ANO2: variants seen among roughly 807,000 people sequenced by gnomAD.
The protein encoded by ANO2 is anoctamin-2.
ANO2 carries 101 observed loss-of-function variants against 124.2 expected under a neutral mutation model. The ratio of observed to expected loss-of-function variants is 0.81; its 90% confidence interval spans 0.69 to 0.96. ANO2 has a LOEUF of 0.96. ANO2 is among the 40% of genes least tolerant of loss of function. The pLI is 0.00. For missense variants in ANO2, 1,293 were observed against 1,274.5 expected (o/e 1.01, Z -0.22); for synonymous variants, 486 against 482.5 (o/e 1.01, Z -0.09).
intron 23 of ANO2, among the ~76,000 whole-genome samples, chr12:5,570,324 T>A (rs903129779): frequency 6.6e-6 from 1 of 152,178 alleles, no homozygotes; most frequent in Non-Finnish European, 1.5e-5. Context: ...AGTATCACCC[T>A]ATTACTGTTG....
At chr12:5,564,956 C>T (rs1250537526) in intron 24 of ANO2, among the ~76,000 whole-genome samples, 1 of 152,142 alleles carries the variant, frequency 6.6e-6, no homozygotes, top group African/African-American at 2.4e-5. Flanking sequence ...AGACCGGGGG[C>T]ACCCAGAGTG....
chr12:5,661,463 C>T (rs1947437317), intron 14 of ANO2, among the ~76,000 whole-genome samples: 1 of 152,182 alleles, frequency 6.6e-6, no homozygotes, highest in Admixed American at 6.5e-5. Context: ...CAACTCCCTT[C>T]TGTGCCTTGA....
chr12:5,650,287 T>C (rs1338619242), intron 14 of ANO2, among the ~76,000 whole-genome samples: 1 of 152,220 alleles, frequency 6.6e-6, no homozygotes, highest in Admixed American at 6.5e-5. Flanking sequence ...TGCATAAAAA[T>C]GAGACATAAC....
chr12:5,609,232 G>C (rs76507477), intron 19 of ANO2: 1 of 152,102 alleles, frequency 6.6e-6, no homozygotes, highest in Non-Finnish European at 1.5e-5. Flanking sequence ...GGGAACGGGG[G>C]GCACAGCTTC....
At chr12:5,714,104 T>C (rs1156429392) in intron 14 of ANO2, among the ~76,000 whole-genome samples, 2 of 152,270 alleles carry the variant, frequency 1.3e-5, no homozygotes, top group African/African-American at 4.8e-5. Context: ...TCTAAAGTTC[T>C]GGCCCATTCT....
At chr12:5,903,298 A>G (rs1184484436) in intron 3 of ANO2, among the ~76,000 whole-genome samples, 1 of 152,084 alleles carries the variant, frequency 6.6e-6, no homozygotes, top group Non-Finnish European at 1.5e-5. Context: ...AACTCTAAGA[A>G]CAGCTAATCC....
In ANO2 at chr12:5,806,057, T is replaced by G; in HGVS notation, c.985A>C (p.Arg329=). Residue 329 remains arginine, a synonymous_variant, in exon 9 of 25, where the codon AGG becomes CGG. Transcript: ENST00000682330. ...YDSPEDDMND[R]KLLYQEWARY... ...GCTGCACGAGGCAGGCTTACCTTCC[T>G]GTCATTCATATCGTCCTCTGGACTA... 6.2e-7 allele frequency: 1 copy of G among 1,613,812 alleles called. No homozygotes were observed. The highest frequency in any genetic ancestry group is 2.2e-5 in the East Asian group (1 of 44,870).
chr12:5,667,085 G>A (rs1462863121), intron 14 of ANO2, among the ~76,000 whole-genome samples: 1 of 152,162 alleles, frequency 6.6e-6, no homozygotes, highest in Non-Finnish European at 1.5e-5. Flanking sequence ...TTGATGGAAG[G>A]AGGACACCCG....
intron 15 of ANO2, among the ~76,000 whole-genome samples, chr12:5,638,887 G>T (rs898686550): frequency 6.6e-6 from 1 of 152,118 alleles, no homozygotes; most frequent in Non-Finnish European, 1.5e-5. Flanking sequence ...CCTACTTGAC[G>T]CCAAGAGAGA....
intron 20 of ANO2, among the ~76,000 whole-genome samples, chr12:5,583,432 T>TTG: frequency 6.6e-6 from 1 of 151,906 alleles, no homozygotes; most frequent in South Asian, 2.1e-4. Flanking sequence ...GGCGGGCGGA[T>TTG]CACAAGGTCA....
intron 10 of ANO2, among the ~76,000 whole-genome samples, chr12:5,784,414 G>A (rs1565666483): frequency 6.6e-6 from 1 of 152,154 alleles, no homozygotes; most frequent in South Asian, 2.1e-4. Flanking sequence ...GTCTGAGCTG[G>A]TTCCTGCCAC....
In ANO2 at chr12:5,838,270, C is replaced by T. The variant is rs144942715; in HGVS notation, c.634-5667G>A. On this transcript the variant is annotated intron_variant, in intron 4 of 24. Transcript: ENST00000682330. Reference sequence around the variant, plus strand: ...CAACTGTTTCTTGATGGAGGATGCTCCATATCACTGAAAGGAATATTGTTG... The same window carrying T: ...CAACTGTTTCTTGATGGAGGATGCTTCATATCACTGAAAGGAATATTGTTG... Among the ~76,000 whole-genome samples, 23 of 152,238 alleles carry T rather than the reference C, an allele frequency of 1.5e-4. 1 individual carries two copies. The East Asian group carries it at 4.4e-3, about 29-fold the overall frequency.
intron 1 of ANO2, among the ~76,000 whole-genome samples, chr12:5,942,136 G>A (rs1426699731): frequency 6.6e-6 from 1 of 152,160 alleles, no homozygotes; most frequent in Non-Finnish European, 1.5e-5. Context: ...AAGAGACTCA[G>A]TGTCACTGCT....
chr12:5,770,016 G>A (rs1952025280), intron 10 of ANO2, among the ~76,000 whole-genome samples: 1 of 152,190 alleles, frequency 6.6e-6, no homozygotes, highest in Admixed American at 6.5e-5. Context: ...ATAGATGAGA[G>A]AATGGAAGCT....
intron 16 of ANO2, among the ~76,000 whole-genome samples, chr12:5,632,744 A>G (rs1565498025): frequency 6.6e-6 from 1 of 152,134 alleles, no homozygotes; most frequent in Non-Finnish European, 1.5e-5. Context: ...ATTGTTGCCA[A>G]CTCTATTTGT....
rs139259735 is a variant in ANO2 at position 5,769,456 on chromosome 12, GGTAA to G, written c.1056-18490_1056-18487del. Among the ~76,000 whole-genome samples, 19,040 of 152,068 alleles carry G rather than the reference GGTAA, an allele frequency of 0.13. 1,353 individuals carry two copies. The highest frequency in any genetic ancestry group is 0.2 in the African/African-American group (8,227 of 41,430). ...AGAAATGAGGTGCAAGTGACACTTA[GGTAA>G]GTAAGTAAGGCATACAAGAGATGAG... On this transcript the variant is annotated intron_variant, in intron 10 of 24. Coordinates refer to ENST00000682330, the MANE Select transcript of ANO2 (RefSeq NM_001364791.2). This position sits in a 1 kb window ranked among gnomAD's most constrained non-coding sequence, Gnocchi z 4.0.
At chr12:5,719,041 T>C (rs1591984398) in intron 14 of ANO2, among the ~76,000 whole-genome samples, 1 of 152,316 alleles carries the variant, frequency 6.6e-6, no homozygotes, top group Middle Eastern at 3.4e-3. Context: ...GCTCCGTGTA[T>C]TAAATTCCCT....
chr12:5,674,645 T>C (rs1261022527), intron 14 of ANO2, among the ~76,000 whole-genome samples: 1 of 152,148 alleles, frequency 6.6e-6, no homozygotes, highest in East Asian at 1.9e-4. Flanking sequence ...GCTCCTCAGG[T>C]GTCAGTTCCA....
At chr12:5,620,435 G>A (rs893901938) in intron 16 of ANO2, among the ~76,000 whole-genome samples, 1 of 152,176 alleles carries the variant, frequency 6.6e-6, no homozygotes, top group African/African-American at 2.4e-5. Flanking sequence ...GCCCGCTAGG[G>A]AATCTGGAGA....
Sources: gnomAD v4.1 joint callset for allele counts (sites outside exome capture counted in the v4.1 genomes callset) on GRCh38, gnomAD v4.1.1 for gene constraint, Gnocchi (gnomAD v3.1) non-coding constraint, MANE v1.5 for transcripts, NCBI Gene and HGNC (gene_info 2026-07-23, HGNC 2026-07-21) for gene names.